CABP1: variants seen among roughly 807,000 people sequenced by gnomAD.
The protein encoded by CABP1 is calcium binding protein 1.
CABP1 carries 17 observed loss-of-function variants against 34.3 expected under a neutral mutation model. The ratio of observed to expected loss-of-function variants is 0.50; its 90% CI spans 0.34 to 0.74. CABP1 has a LOEUF of 0.74. Among genes scored for constraint, CABP1 ranks in the 30% least tolerant of loss-of-function variants. The probability of loss-of-function intolerance (pLI) is 0.01; values close to 1 mark genes in which losing one functional copy is unlikely to be tolerated. For synonymous variants in CABP1, 198 were observed against 229.2 expected (o/e 0.86, Z 1.23); for missense variants, 373 against 511.1 (o/e 0.73, Z 2.61).
Position 120,661,367 on chromosome 12 carries a change from C to G in CABP1, c.1087+149C>G. The G allele has an allele frequency of 1.3e-6, 1 of 773,014 alleles. No individual in the cohort carries two copies. Among genetic ancestry groups the G allele is most frequent in the Middle Eastern group, 3.9e-4 (1 of 2,556 alleles). The allele number at this position is 773,014 out of a possible 1,614,324, so 47.9% of individuals were successfully genotyped here. A position where few individuals can be genotyped will look rare whatever the true frequency, so the allele number is the denominator to read the frequency against. ...CCTCTTATCCCTCCGTCCATGCCCC[C>G]GTCTAATCCATCTCCCATCCCTTCC... On this transcript the variant is annotated intron_variant, in intron 5 of 5. Coordinates refer to ENST00000316803, the MANE Select transcript of CABP1 (RefSeq NM_001033677.2). The surrounding 1 kb of genome is among the most constrained non-coding windows in gnomAD (Gnocchi z 5.1).
the CABP1 span, among the ~76,000 whole-genome samples, chr12:120,672,798 G>A: frequency 6.6e-6 from 1 of 151,290 alleles, no homozygotes; most frequent in Non-Finnish European, 1.5e-5. Flanking sequence ...GGGAGGCTGA[G>A]GTGGGTGGAT....
Position 120,653,511 on chromosome 12 carries a change from G to A in CABP1, c.655-6367G>A, listed in dbSNP as rs138641361. ...CCAGCAGGCTAAACTGCCTTTTAAAGTTTTGTTTTGTTTTGTTTTGTTTTT... is the reference window on the plus strand; with the variant it reads ...CCAGCAGGCTAAACTGCCTTTTAAAATTTTGTTTTGTTTTGTTTTGTTTTT... On this transcript the variant is annotated intron_variant, in intron 1 of 5. Coordinates refer to ENST00000316803, the MANE Select transcript of CABP1 (RefSeq NM_001033677.2). Among the ~76,000 whole-genome samples, 38 of 151,980 alleles carry A rather than the reference G, an allele frequency of 2.5e-4. No individual in the cohort carries two copies. The East Asian group carries it at 5.9e-3, about 24-fold the overall frequency.
At chr12:120,666,001 G>C (rs535814068) in intron 5 of CABP1, among the ~76,000 whole-genome samples, 7 of 144,448 alleles carry the variant, frequency 4.8e-5, no homozygotes, top group Admixed American at 3.6e-4. Context: ...CTAGGTGACA[G>C]AGCGAGACTC....
chr12:120,665,642 A>G (rs909071127), intron 5 of CABP1, among the ~76,000 whole-genome samples: 2 of 152,042 alleles, frequency 1.3e-5, no homozygotes, highest in African/African-American at 4.8e-5. Context: ...GTGGGAGGCT[A>G]TGCGTATGCG....
rs983930982 is a variant in CABP1 at position 120,641,731 on chromosome 12, G to T, written c.654+392G>T. 1 of 181,644 alleles carries T rather than the reference G, an allele frequency of 5.5e-6. No homozygotes were observed. Among genetic ancestry groups the T allele is most frequent in the African/African-American group, 2.3e-5 (1 of 42,716 alleles). 11.3% of individuals were successfully genotyped at this position (181,644 alleles called of 1,614,324 possible). A position where few individuals can be genotyped will look rare whatever the true frequency, so the allele number is the denominator to read the frequency against. The stretch of plus-strand genomic sequence containing the variant: ...CCAGTACCGCCAGGGAGGGACTCAG[G>T]AGAGCAAGCGGTTTGGAGTCTGGGG... On this transcript the variant is annotated intron_variant, in intron 1 of 5. Transcript: ENST00000316803. This position sits in a 1 kb window ranked among gnomAD's most constrained non-coding sequence, Gnocchi z 6.7.
chr12:120,675,033 T>A, the CABP1 span, among the ~76,000 whole-genome samples: 36 of 151,826 alleles, frequency 2.4e-4, no homozygotes, highest in African/African-American at 8.5e-4. Context: ...TGTTTATTTT[T>A]ATTTTTAGTT....
At chr12:120,653,501 G>A (rs1274148084) in intron 1 of CABP1, among the ~76,000 whole-genome samples, 2 of 152,122 alleles carry the variant, frequency 1.3e-5, no homozygotes, top group Non-Finnish European at 2.9e-5. Flanking sequence ...AGGCTAAACT[G>A]CCTTTTAAAG....
chr12:120,646,931 CTA>C (rs1879565321), intron 1 of CABP1, among the ~76,000 whole-genome samples: 1 of 152,196 alleles, frequency 6.6e-6, no homozygotes, highest in Admixed American at 6.5e-5. Flanking sequence ...GGATCCCTTG[CTA>C]TCCTCAAACC....
chr12:120,658,377 C>A (rs951084801), intron 1 of CABP1, among the ~76,000 whole-genome samples: 6 of 152,198 alleles, frequency 3.9e-5, no homozygotes, highest in African/African-American at 1.4e-4. Flanking sequence ...GGATTACAGG[C>A]GTGGACCACC....
downstream of CABP1, among the ~76,000 whole-genome samples, chr12:120,669,622 G>C (rs572012352): frequency 8.2e-4 from 125 of 152,214 alleles, no homozygotes; most frequent in Middle Eastern, 3.4e-3. Context: ...GGCGTAGTGG[G>C]GCATGACTGT....
intron 1 of CABP1, among the ~76,000 whole-genome samples, chr12:120,643,790 A>G (rs1879439760): frequency 6.6e-6 from 1 of 152,164 alleles, no homozygotes; most frequent in Non-Finnish European, 1.5e-5. Flanking sequence ...ATTAAATGAG[A>G]TACGGAGAGA....
downstream of CABP1, among the ~76,000 whole-genome samples, chr12:120,669,702 C>T (rs146949065): frequency 4.7e-4 from 72 of 151,592 alleles, 1 homozygote; most frequent in East Asian, 0.013. Context: ...TGCAGTGAGC[C>T]GAGATCACGC....
chr12:120,655,603 G>A (rs1880129944), intron 1 of CABP1: 11 of 1,328,032 alleles, frequency 8.3e-6, no homozygotes, highest in Non-Finnish European at 1.1e-5. Context: ...CCTTCCAGCG[G>A]GGATCTGGCT....
intron 1 of CABP1, among the ~76,000 whole-genome samples, chr12:120,646,078 G>T (rs569321522): frequency 6.6e-6 from 1 of 152,326 alleles, no homozygotes; most frequent in Non-Finnish European, 1.5e-5. Context: ...GTAGGTGGCA[G>T]GACTGTGCTG....
chr12:120,676,433 C>CT, the CABP1 span, among the ~76,000 whole-genome samples: 18,221 of 147,552 alleles, frequency 0.12, 1,191 homozygotes, highest in Non-Finnish European at 0.14. Flanking sequence ...TCTTCTTCTT[C>CT]TTTTTTTTTT....
the CABP1 span, among the ~76,000 whole-genome samples, chr12:120,679,831 G>C: frequency 6.6e-6 from 1 of 150,794 alleles, no homozygotes. Context: ...CTGTCTCAAA[G>C]CAAGAAAAAA....
At chr12:120,680,353 C>T in the CABP1 span, among the ~76,000 whole-genome samples, 792 of 152,176 alleles carry the variant, frequency 5.2e-3, 7 homozygotes, top group African/African-American at 0.018. Context: ...ACTGGGAAGC[C>T]GCTGAGGAAG....
intron 1 of CABP1, among the ~76,000 whole-genome samples, chr12:120,651,021 G>C (rs959965421): frequency 7.9e-5 from 12 of 152,138 alleles, no homozygotes; most frequent in Non-Finnish European, 1.6e-4. Context: ...TCAAGGGACT[G>C]GCCAAGTCCC....
intron 1 of CABP1, chr12:120,655,871 G>T (rs1440586503): frequency 6.5e-7 from 1 of 1,536,044 alleles, no homozygotes; most frequent in Admixed American, 2.0e-5. Context: ...CACACAGAGG[G>T]CATCACATTC....
Sources: gnomAD v4.1 joint callset for allele counts (sites outside exome capture counted in the v4.1 genomes callset) on GRCh38, gnomAD v4.1.1 for gene constraint, Gnocchi (gnomAD v3.1) non-coding constraint, MANE v1.5 for transcripts, NCBI Gene and HGNC (gene_info 2026-07-23, HGNC 2026-07-21) for gene names.